Variants in TEX264 observed in about 807,000 individuals in gnomAD.
TEX264 encodes testis expressed 264, ER-phagy receptor, also known as testis-expressed protein 264.
Under a neutral mutation model 23.4 loss-of-function variants are expected in TEX264, and 13 were observed. The observed-to-expected ratio is 0.56, with a 90% CI of 0.36 to 0.88. The LOEUF (loss-of-function observed/expected upper bound fraction) is 0.88. Ranked by LOEUF, TEX264 falls within the 40% of genes least tolerant of loss-of-function variation. TEX264 has a pLI of 0.01. For synonymous variants in TEX264, 159 were observed against 170.0 expected (o/e 0.94, Z 0.50); for missense variants, 340 against 406.8 (o/e 0.84, Z 1.41).
intron 3 of TEX264, among the ~76,000 whole-genome samples, chr3:51,698,038 C>CA (rs1214125649): frequency 6.6e-6 from 1 of 152,172 alleles, no homozygotes; most frequent in African/African-American, 2.4e-5. Flanking sequence ...CCCATGGAGT[C>CA]AGAGGCTGAG....
chr3:51,688,081 G>T (rs1246374615), intron 3 of TEX264, among the ~76,000 whole-genome samples: 2 of 152,222 alleles, frequency 1.3e-5, no homozygotes, highest in Non-Finnish European at 2.9e-5. Context: ...TGCGTACTGT[G>T]TGACCATCAC....
intron 3 of TEX264, chr3:51,694,728 C>G (rs1267539197): frequency 6.6e-6 from 1 of 152,590 alleles, no homozygotes; most frequent in Non-Finnish European, 1.5e-5. Flanking sequence ...GTCTTACTCC[C>G]TGTCTCCTTT....
chr3:51,700,109 A>G (rs1205704120), intron 4 of TEX264, among the ~76,000 whole-genome samples: 3 of 152,108 alleles, frequency 2.0e-5, no homozygotes, highest in Non-Finnish European at 4.4e-5. Flanking sequence ...GCCTTTCTCC[A>G]GGGCCAGCCC....
In TEX264 at chr3:51,686,037, G is replaced by C. The variant is rs112133712; in HGVS notation, c.480+1403G>C. ...GGGAACTGAGGGAGGCCCTGGTTTT[G>C]GGGGGAAGGTAGCTATTTGGGCTAT... is the stretch of plus-strand genomic sequence containing the variant. On this transcript the variant is annotated intron_variant, in intron 3 of 4. Transcript: ENST00000341333. This position sits in a 1 kb window ranked among gnomAD's most constrained non-coding sequence, Gnocchi z 4.1. 6.2e-3 allele frequency among the ~76,000 whole-genome samples: 948 copies of C among 152,236 alleles called. 7 individuals carry two copies. Among genetic ancestry groups the C allele is most frequent in the African/African-American group, 0.022 (894 of 41,522 alleles).
At chr3:51,677,137 C>A (rs1403743139) in intron 2 of TEX264, among the ~76,000 whole-genome samples, 1 of 152,212 alleles carries the variant, frequency 6.6e-6, no homozygotes, top group Admixed American at 6.5e-5. Flanking sequence ...GGTCCACACT[C>A]CATATTATGG....
At chr3:51,699,927 C>T (rs1703225557) in intron 4 of TEX264, among the ~76,000 whole-genome samples, 1 of 152,112 alleles carries the variant, frequency 6.6e-6, no homozygotes, top group South Asian at 2.1e-4. Context: ...GAAAGGAGTC[C>T]CTTGGGTGGG....
intron 1 of TEX264, chr3:51,671,722 A>C (rs1324062843): frequency 6.5e-6 from 1 of 153,244 alleles, no homozygotes; most frequent in Non-Finnish European, 1.5e-5. Context: ...CGGGGTGAGC[A>C]GGGGCTGGAA....
chr3:51,687,135 C>G (rs1388391890), intron 3 of TEX264, among the ~76,000 whole-genome samples: 1 of 152,176 alleles, frequency 6.6e-6, no homozygotes, highest in African/African-American at 2.4e-5. Context: ...AGGGGCTTCT[C>G]CCAGAGACAG....
rs141178453 is a variant in TEX264 at position 51,699,555 on chromosome 3, C to T, written c.630C>T (p.Asp210=). ...GGCGGGGGCTTGTGGAGGCCATTGACACCCAGGTGGATGGCACAGGTACAG... is the reference window on the plus strand; with the variant it reads ...GGCGGGGGCTTGTGGAGGCCATTGATACCCAGGTGGATGGCACAGGTACAG... ...WKWRGLVEAI[D]TQVDGTGADT... Residue 210 remains aspartate (D), a synonymous_variant, in exon 4 of 5, where the codon GAC becomes GAT. Transcript: ENST00000341333. 6.2e-6 allele frequency: 10 copies of T among 1,613,876 alleles called. No homozygotes were observed. Among genetic ancestry groups the T allele is most frequent in the Non-Finnish European group, 8.5e-6 (10 of 1,179,918 alleles).
chr3:51,700,857 C>T (rs1210406533), intron 4 of TEX264, among the ~76,000 whole-genome samples: 1 of 152,086 alleles, frequency 6.6e-6, no homozygotes, highest in Non-Finnish European at 1.5e-5. Context: ...AAGGGGTCTG[C>T]CCACCTCTCA....
In TEX264 at chr3:51,703,881, C is replaced by T. The variant is rs775344944; in HGVS notation, c.807C>T (p.Ser269=). ...ACAGCTACAGCGAGTCAGGTGCCAGCGGCTCCTCTTTTGAGGAGCTGGACT... is the reference window on the plus strand; with the variant it reads ...ACAGCTACAGCGAGTCAGGTGCCAGTGGCTCCTCTTTTGAGGAGCTGGACT... ...SEHSYSESGA[S]GSSFEELDLE... Residue 269 remains serine (S), a synonymous_variant, in exon 5 of 5, where the codon AGC becomes AGT. Transcript: ENST00000341333. This position sits in a 1 kb window ranked among gnomAD's most constrained non-coding sequence, Gnocchi z 4.8. 1.4e-5 allele frequency: 22 copies of T among 1,611,954 alleles called. No homozygotes were observed. The highest frequency in any genetic ancestry group is 8.3e-5 in the Admixed American group (5 of 59,958).
At chr3:51,687,838 G>A (rs1702682055) in intron 3 of TEX264, among the ~76,000 whole-genome samples, 1 of 152,204 alleles carries the variant, frequency 6.6e-6, no homozygotes, top group African/African-American at 2.4e-5. Flanking sequence ...ATGGGACAGA[G>A]GGACCTGAAG....
rs542365432 is a variant in TEX264 at position 51,689,040 on chromosome 3, G to A, written c.480+4406G>A. ...AGGCTGAGGTGGGAGGATCGCTTGA[G>A]CCTGGGAGGTCAAGGCTGCAGTGAG... On this transcript the variant is annotated intron_variant, in intron 3 of 4. Transcript: ENST00000341333. Among the ~76,000 whole-genome samples the A allele has an allele frequency of 3.0e-4, 45 of 152,214 alleles. No homozygotes were observed. In the South Asian group the frequency reaches 3.3e-3, roughly 11 times the overall value.
chr3:51,673,797 A>T (rs1045990574), intron 1 of TEX264, among the ~76,000 whole-genome samples: 6 of 152,158 alleles, frequency 3.9e-5, no homozygotes, highest in African/African-American at 1.4e-4. Flanking sequence ...TTTGGACCCT[A>T]GCATTTGCCA....
intron 3 of TEX264, among the ~76,000 whole-genome samples, chr3:51,698,394 G>A (rs1428979977): frequency 6.6e-6 from 1 of 152,180 alleles, no homozygotes; most frequent in Non-Finnish European, 1.5e-5. Flanking sequence ...GAAGATTGGC[G>A]GGTGAGCAGT....
At chr3:51,698,337 A>G (rs1703148705) in intron 3 of TEX264, among the ~76,000 whole-genome samples, 1 of 152,200 alleles carries the variant, frequency 6.6e-6, no homozygotes, top group Non-Finnish European at 1.5e-5. Flanking sequence ...GGCTCATTTC[A>G]GAGCTCATGG....
chr3:51,687,275 C>T (rs904622868), intron 3 of TEX264, among the ~76,000 whole-genome samples: 6 of 152,208 alleles, frequency 3.9e-5, no homozygotes, highest in Admixed American at 2.0e-4. Flanking sequence ...TTGCCTCTGC[C>T]CCTGTGTTTA....
At position 51,674,561 on chromosome 3, in the gene TEX264, T is replaced by A. The variant is rs555508141; in HGVS notation, c.257T>A (p.Met86Lys). The part of the protein sequence containing the change: ...SIAVYYDNPH[M>K]VPPDKCRCAV... ...GCTGTCTACTATGACAACCCCCACA[T>A]GGTAAGGAGTCTCCATGGGGTTCTG... The change falls in exon 2 of 5, where the codon ATG becomes AAG. Residue 86 changes from methionine (M) to lysine (K), a missense_variant and splice_region_variant. Met to Lys is a moderately conservative substitution (Grantham distance 95). Coordinates refer to ENST00000341333, the MANE Select transcript of TEX264 (RefSeq NM_015926.6). 1 of 1,613,592 alleles carries A rather than the reference T, an allele frequency of 6.2e-7. No homozygotes were observed. Among genetic ancestry groups the A allele is most frequent in the Non-Finnish European group, 8.5e-7 (1 of 1,179,790 alleles).
At chr3:51,673,326 A>T (rs187123998) in intron 1 of TEX264, among the ~76,000 whole-genome samples, 150 of 152,240 alleles carry the variant, frequency 9.9e-4, no homozygotes, top group African/African-American at 3.4e-3. Flanking sequence ...CCCTCTGTGT[A>T]AGAGGGTTAG....
Sources: gnomAD v4.1 joint callset for allele counts (sites outside exome capture counted in the v4.1 genomes callset) on GRCh38, gnomAD v4.1.1 for gene constraint, Gnocchi (gnomAD v3.1) non-coding constraint, MANE v1.5 for transcripts, NCBI Gene and HGNC (gene_info 2026-07-23, HGNC 2026-07-21) for gene names.